NRG4: variants seen among roughly 807,000 people sequenced by gnomAD.
NRG4 encodes pro-neuregulin-4, membrane-bound isoform.
A neutral mutation model predicts 15.0 loss-of-function variants in NRG4; 10 were observed. The ratio of observed to expected loss-of-function variants is 0.67; its 90% CI spans 0.41 to 1.13. The LOEUF (loss-of-function observed/expected upper bound fraction) is 1.13. Ranked by LOEUF, NRG4 falls within the 50% of genes most tolerant of loss-of-function variation. The pLI is 0.00. For synonymous variants in NRG4, 41 were observed against 50.1 expected (o/e 0.82, Z 0.77); for missense variants, 139 against 140.2 (o/e 0.99, Z 0.04).
intron 5 of NRG4, among the ~76,000 whole-genome samples, chr15:76,026,997 C>A (rs1172976746): frequency 6.6e-6 from 1 of 152,010 alleles, no homozygotes; most frequent in East Asian, 1.9e-4. Flanking sequence ...TGGCGGGTGC[C>A]TGTAGTCCTA....
At chr15:76,037,396 G>A (rs2141948976) in intron 4 of NRG4, among the ~76,000 whole-genome samples, 1 of 152,308 alleles carries the variant, frequency 6.6e-6, no homozygotes, top group Non-Finnish European at 1.5e-5. Flanking sequence ...CTTGGGGAGA[G>A]TGAGAGCACA....
At chr15:75,961,709 A>G in intron 4 of NRG4, 119 bp downstream of exon 4, 1 of 702,400 alleles carries the variant, frequency 1.4e-6, no homozygotes, top group South Asian at 2.0e-5. Context: ...TATTAAAGAG[A>G]TAACTAAACA....
In NRG4 at chr15:75,942,874, T is replaced by TAATC. The variant is rs2031144663; in HGVS notation, c.*760_*763dup. The TAATC allele has an allele frequency of 6.6e-6, 1 of 152,228 alleles. No individual in the cohort carries two copies. Among genetic ancestry groups the TAATC allele is most frequent in the African/African-American group, 2.4e-5 (1 of 41,458 alleles). The allele number at this position is 152,228 out of a possible 1,614,324, so 9.4% of individuals were successfully genotyped here. ...CTGGAGAAACTAAATTGTTCTGACC[T>TAATC]AATCAGTTCTTAATATTGCACCTAA... On this transcript the variant is annotated 3_prime_UTR_variant, in exon 6 of 6. Coordinates refer to ENST00000394907, the MANE Select transcript of NRG4 (RefSeq NM_138573.4).
chr15:75,973,576 A>C (rs1014552608), intron 3 of NRG4, among the ~76,000 whole-genome samples: 4 of 152,176 alleles, frequency 2.6e-5, no homozygotes, highest in African/African-American at 9.7e-5. Context: ...TTTAGCATGA[A>C]GGGGTGTTGA....
chr15:75,978,802 A>C (rs186220883), intron 3 of NRG4, among the ~76,000 whole-genome samples: 2 of 151,864 alleles, frequency 1.3e-5, no homozygotes, highest in Non-Finnish European at 2.9e-5. Flanking sequence ...GATGTTGAAC[A>C]TTTTTTTCAT....
chr15:75,954,753 G>T (rs947879321), intron 5 of NRG4, among the ~76,000 whole-genome samples: 1 of 151,866 alleles, frequency 6.6e-6, no homozygotes, highest in Non-Finnish European at 1.5e-5. Context: ...CTCATTTTGA[G>T]CACATTTTCT....
At chr15:75,988,054 G>A (rs971209651) in intron 3 of NRG4, among the ~76,000 whole-genome samples, 1 of 152,168 alleles carries the variant, frequency 6.6e-6, no homozygotes, top group Non-Finnish European at 1.5e-5. Flanking sequence ...CATTATCCTG[G>A]ATATCAAAGT....
intron 3 of NRG4, among the ~76,000 whole-genome samples, chr15:75,993,073 T>C (rs886144556): frequency 7.2e-5 from 11 of 152,068 alleles, no homozygotes; most frequent in African/African-American, 2.7e-4. Context: ...GTCTCCATGA[T>C]TTCTGATAAG....
At chr15:75,959,497 C>A (rs1054614290) in intron 4 of NRG4, among the ~76,000 whole-genome samples, 1 of 151,544 alleles carries the variant, frequency 6.6e-6, no homozygotes, top group East Asian at 1.9e-4. Flanking sequence ...TCTATTTAAT[C>A]TATTCATATA....
chr15:75,971,260 A>G (rs1236541709), intron 3 of NRG4: 11 of 455,834 alleles, frequency 2.4e-5, no homozygotes, highest in South Asian at 6.2e-5. Context: ...TGTAAAAACA[A>G]TAAGGGTTTT....
intron 3 of NRG4, among the ~76,000 whole-genome samples, chr15:75,991,777 A>C (rs1350531389): frequency 6.6e-6 from 1 of 151,936 alleles, no homozygotes; most frequent in Non-Finnish European, 1.5e-5. Flanking sequence ...ACCATTTATG[A>C]TTGCATGTCT....
intron 5 of NRG4, among the ~76,000 whole-genome samples, chr15:76,018,156 G>A (rs554039023): frequency 2.0e-5 from 3 of 152,126 alleles, no homozygotes; most frequent in Middle Eastern, 3.4e-3. Flanking sequence ...AAGTTCTCGT[G>A]CTATGTTTTT....
At chr15:76,033,440 A>G (rs1422581343) in intron 5 of NRG4, among the ~76,000 whole-genome samples, 1 of 152,164 alleles carries the variant, frequency 6.6e-6, no homozygotes, top group African/African-American at 2.4e-5. Flanking sequence ...TATAACCATT[A>G]TTTACTAATA....
In NRG4 at chr15:76,007,579, A is replaced by C. The variant is rs2034653580; in HGVS notation, c.104+1621T>G. Among the ~76,000 whole-genome samples, 5 of 151,840 alleles carry C rather than the reference A, an allele frequency of 3.3e-5. No homozygotes were observed. The South Asian group carries it at 1.0e-3, about 32-fold the overall frequency. Reference sequence around the variant, plus strand: ...CGAGTAGCTGGGACTACAGGCGCCCACCATCATGCCCAGCTAATTTTTTGT... The same window carrying C: ...CGAGTAGCTGGGACTACAGGCGCCCCCCATCATGCCCAGCTAATTTTTTGT... On this transcript the variant is annotated intron_variant, in intron 3 of 5. Coordinates refer to ENST00000394907, the MANE Select transcript of NRG4 (RefSeq NM_138573.4).
At chr15:76,015,288 C>T (rs2034940852), upstream of NRG4, among the ~76,000 whole-genome samples, 1 of 152,170 alleles carries the variant, frequency 6.6e-6, no homozygotes, top group African/African-American at 2.4e-5. Flanking sequence ...CATCTGCAAA[C>T]AGAGACAATT....
intron 5 of NRG4, among the ~76,000 whole-genome samples, chr15:75,949,918 T>C (rs992517661): frequency 6.6e-6 from 1 of 152,226 alleles, no homozygotes; most frequent in East Asian, 1.9e-4. Context: ...GCTTCTAACT[T>C]TGTTCTTCTT....
downstream of NRG4, chr15:75,937,219 A>G (rs2030433941): frequency 6.6e-6 from 1 of 151,760 alleles, no homozygotes; most frequent in Non-Finnish European, 1.5e-5. Context: ...ACATTAAAAA[A>G]AAAAAAGAGG....
At chr15:76,012,069 A>C (rs145956657) in intron 1 of NRG4, 8 of 152,158 alleles carry the variant, frequency 5.3e-5, no homozygotes, top group African/African-American at 1.7e-4. Context: ...CTTCTGACCT[A>C]AACAGAAAGA....
chr15:76,025,816 G>T (rs1213455970), intron 5 of NRG4, among the ~76,000 whole-genome samples: 10 of 152,038 alleles, frequency 6.6e-5, no homozygotes, highest in Non-Finnish European at 8.8e-5. Context: ...GGTGGAGGTT[G>T]CAGTAAGCCA....
Sources: allele counts gnomAD v4.1 joint callset (sites outside exome capture counted in the v4.1 genomes callset), GRCh38; gene constraint gnomAD v4.1.1; transcripts MANE v1.5; gene names NCBI Gene and HGNC (gene_info 2026-07-23, HGNC 2026-07-21).